The following CADM1 variants were observed in gnomAD, a reference collection of about 807,000 sequenced individuals.
CADM1 encodes the protein cell adhesion molecule 1, also known as TSLC-1.
CADM1 carries 15 observed loss-of-function variants against 53.1 expected under a neutral mutation model. The ratio of observed to expected loss-of-function variants is 0.28; its 90% CI spans 0.19 to 0.44. CADM1 has a LOEUF of 0.44. Ranked by LOEUF, CADM1 falls within the 20% of genes least tolerant of loss-of-function variation. The pLI is 1.00. For missense variants in CADM1, 434 were observed against 611.3 expected (o/e 0.71, Z 3.06); for synonymous variants, 281 against 243.0 (o/e 1.16, Z -1.45).
chr11:115,296,664 T>C (rs1321060541), intron 1 of CADM1, among the ~76,000 whole-genome samples: 1 of 152,210 alleles, frequency 6.6e-6, no homozygotes, highest in Non-Finnish European at 1.5e-5. Context: ...TTAAACTTCC[T>C]AGCCTGCAGA....
Position 115,222,203 on chromosome 11 carries a change from T to G in CADM1, c.722-4212A>C, listed in dbSNP as rs1565307330. On this transcript the variant is annotated intron_variant, in intron 5 of 11. Transcript: ENST00000331581. ...GGTAGCGGGTCTGGGTCAGCCCCTG[T>G]GCATTCAAGTGAGGAAGCATTGACT... 2.0e-5 allele frequency among the ~76,000 whole-genome samples: 3 copies of G among 152,272 alleles called. No homozygotes were observed. In the East Asian group the frequency reaches 5.8e-4, roughly 29 times the overall value.
chr11:115,385,964 A>G (rs1237298700), intron 1 of CADM1, among the ~76,000 whole-genome samples: 1 of 152,252 alleles, frequency 6.6e-6, no homozygotes. Context: ...TTTCCTGTAT[A>G]AGAACAGGAT....
At chr11:115,388,632 T>C (rs1946760549) in intron 1 of CADM1, among the ~76,000 whole-genome samples, 1 of 152,146 alleles carries the variant, frequency 6.6e-6, no homozygotes, top group Admixed American at 6.6e-5. Flanking sequence ...GACATGTTAC[T>C]TCAGTATTAT....
chr11:115,208,636 AT>A (rs546952154), intron 8 of CADM1, among the ~76,000 whole-genome samples: 18 of 152,276 alleles, frequency 1.2e-4, no homozygotes, highest in African/African-American at 3.9e-4. Flanking sequence ...TTCAAGAGAT[AT>A]TTTTTTCTCA....
chr11:115,209,217 A>C (rs896392967), intron 8 of CADM1, among the ~76,000 whole-genome samples: 12 of 152,236 alleles, frequency 7.9e-5, no homozygotes, highest in African/African-American at 2.7e-4. Context: ...AGACAGAGAC[A>C]AGATTGAAAG....
chr11:115,188,870 C>T (rs1165942799), intron 10 of CADM1, among the ~76,000 whole-genome samples: 3 of 150,918 alleles, frequency 2.0e-5, no homozygotes, highest in African/African-American at 7.3e-5. Context: ...TAAATTTAAA[C>T]ACTATGACAG....
chr11:115,452,797 T>C (rs1327850673), intron 1 of CADM1, among the ~76,000 whole-genome samples: 4 of 152,104 alleles, frequency 2.6e-5, no homozygotes, highest in Non-Finnish European at 4.4e-5. Flanking sequence ...AGAGATAAAG[T>C]ACAAAGTTTA....
At chr11:115,336,250 C>T (rs1945264413) in intron 1 of CADM1, among the ~76,000 whole-genome samples, 1 of 152,082 alleles carries the variant, frequency 6.6e-6, no homozygotes, top group African/African-American at 2.4e-5. Context: ...CAACTTTCCC[C>T]ACCATTGCTT....
At chr11:115,308,171 G>GTA (rs1565356237) in intron 1 of CADM1, among the ~76,000 whole-genome samples, 4 of 134,762 alleles carry the variant, frequency 3.0e-5, no homozygotes, top group African/African-American at 1.2e-4. Context: ...GTGTGTGTGT[G>GTA]TGTGTATATC....
intron 8 of CADM1, among the ~76,000 whole-genome samples, chr11:115,204,232 T>G (rs1940572543): frequency 6.6e-6 from 1 of 152,204 alleles, no homozygotes; most frequent in African/African-American, 2.4e-5. Context: ...GACCTTCATG[T>G]GTAACTTCCA....
chr11:115,362,742 C>T (rs1012048627), intron 1 of CADM1, among the ~76,000 whole-genome samples: 17 of 152,056 alleles, frequency 1.1e-4, no homozygotes, highest in African/African-American at 3.9e-4. Flanking sequence ...CTATTTAATC[C>T]TTCTTCACAA....
At chr11:115,315,668 CAA>C (rs56881752) in intron 1 of CADM1, among the ~76,000 whole-genome samples, 103 of 139,314 alleles carry the variant, frequency 7.4e-4, no homozygotes, top group East Asian at 1.7e-3. Context: ...TATGTTTAGC[CAA>C]AAAAAAAAAA....
At chr11:115,305,688 T>A (rs1248023206) in intron 1 of CADM1, among the ~76,000 whole-genome samples, 1 of 151,860 alleles carries the variant, frequency 6.6e-6, no homozygotes, top group Non-Finnish European at 1.5e-5. Flanking sequence ...AGGGAACTAG[T>A]ATCTTGACTT....
intron 1 of CADM1, among the ~76,000 whole-genome samples, chr11:115,373,063 T>C (rs1360293369): frequency 6.6e-6 from 1 of 152,238 alleles, no homozygotes; most frequent in African/African-American, 2.4e-5. Context: ...GCAAATCTAC[T>C]CCAGTACCAG....
At chr11:115,338,834 T>G (rs1945335727) in intron 1 of CADM1, among the ~76,000 whole-genome samples, 1 of 151,964 alleles carries the variant, frequency 6.6e-6, no homozygotes, top group African/African-American at 2.4e-5. Context: ...ATCCTGTACT[T>G]TCTATTTTAA....
intron 1 of CADM1, among the ~76,000 whole-genome samples, chr11:115,476,965 A>G (rs1332526152): frequency 6.6e-6 from 1 of 152,160 alleles, no homozygotes; most frequent in East Asian, 1.9e-4. Flanking sequence ...TGATTTTCAA[A>G]TGGTAAATCT....
chr11:115,175,490 T>C lies in CADM1; in HGVS notation c.*984A>G, dbSNP rs573138060. 3.0e-6 allele frequency: 3 copies of C among 985,566 alleles called. No homozygotes were observed. The highest frequency in any genetic ancestry group is 1.7e-5 in the African/African-American group (1 of 57,316). The allele number at this position is 985,566 out of a possible 1,614,324, so 61.1% of individuals were successfully genotyped here. On this transcript the variant is annotated 3_prime_UTR_variant, in exon 12 of 12. Transcript: ENST00000331581. ...CGATTGGGAAAGGTGGATGGAATCATTTGGAACAGAAACAACCAGAGCAGA... is the reference window on the plus strand; with the variant it reads ...CGATTGGGAAAGGTGGATGGAATCACTTGGAACAGAAACAACCAGAGCAGA...
At chr11:115,404,194 T>C (rs1322101453) in intron 1 of CADM1, among the ~76,000 whole-genome samples, 1 of 149,516 alleles carries the variant, frequency 6.7e-6, no homozygotes, top group African/African-American at 2.5e-5. Flanking sequence ...GGTGTGGTGA[T>C]GCACACTTGT....
chr11:115,434,750 C>T (rs2135306014), intron 1 of CADM1, among the ~76,000 whole-genome samples: 1 of 152,206 alleles, frequency 6.6e-6, no homozygotes, highest in East Asian at 1.9e-4. Flanking sequence ...ATTCGTACCG[C>T]AGCCCCAAAT....
Sources: gnomAD v4.1 joint callset for allele counts (sites outside exome capture counted in the v4.1 genomes callset) on GRCh38, gnomAD v4.1.1 for gene constraint, MANE v1.5 for transcripts, NCBI Gene and HGNC (gene_info 2026-07-23, HGNC 2026-07-21) for gene names.